Variants in NGLY1 observed in about 807,000 individuals in gnomAD.
NGLY1 encodes peptide-N(4)-(N-acetyl-beta-glucosaminyl)asparagine amidase.
NGLY1 carries 68 observed loss-of-function variants against 84.6 expected under a neutral mutation model. That is an observed-to-expected ratio of 0.80 (90% confidence interval 0.66 to 0.98). The LOEUF (loss-of-function observed/expected upper bound fraction) is 0.98. NGLY1 is among the 50% of genes least tolerant of loss of function. The pLI is 0.00. For synonymous variants in NGLY1, 280 were observed against 275.2 expected, an observed-to-expected ratio of 1.02 and a Z score of -0.17; for missense variants, 779 against 770.2, an observed-to-expected ratio of 1.01 and a Z score of -0.14.
At chr3:25,753,274 A>T (rs1478627337) in intron 3 of NGLY1, among the ~76,000 whole-genome samples, 1 of 152,182 alleles carries the variant, frequency 6.6e-6, no homozygotes, top group Non-Finnish European at 1.5e-5. Flanking sequence ...CTGAGGGGAA[A>T]TGATTAGGAA....
chr3:25,748,458 T>C (rs951246701), intron 4 of NGLY1, among the ~76,000 whole-genome samples: 6 of 152,232 alleles, frequency 3.9e-5, no homozygotes, highest in Non-Finnish European at 7.3e-5. Flanking sequence ...GTTAGATTAA[T>C]TCCTAGCTAG....
At chr3:25,773,044 C>T (rs1707974462) in intron 2 of NGLY1, among the ~76,000 whole-genome samples, 2 of 152,212 alleles carry the variant, frequency 1.3e-5, no homozygotes, top group Non-Finnish European at 1.5e-5. Flanking sequence ...GATGCTTTTG[C>T]CTAAGAGCTT....
At chr3:25,776,218 G>T (rs189381301) in intron 2 of NGLY1, among the ~76,000 whole-genome samples, 3 of 152,246 alleles carry the variant, frequency 2.0e-5, no homozygotes, top group Admixed American at 2.0e-4. Context: ...GAGACCGAGG[G>T]GTTTTCTGGG....
rs1301635490 is a variant in NGLY1 at position 25,733,535 on chromosome 3, TAAATA to T, written c.1260+332_1260+336del. On this transcript the variant is annotated intron_variant, in intron 8 of 11. Transcript: ENST00000280700. ...TGTGTGTATGTACATACATAATACA[TAAATA>T]TGAGTCTGTGTCATATCCAAGGCAC... Among the ~76,000 whole-genome samples the T allele has an allele frequency of 1.2e-4, 18 of 150,062 alleles. No individual in the cohort carries two copies. In the East Asian group the frequency reaches 3.2e-3, roughly 27 times the overall value.
At chr3:25,784,157 G>A (rs938820359), upstream of NGLY1, 1 of 152,188 alleles carries the variant, frequency 6.6e-6, no homozygotes, top group African/African-American at 2.4e-5. Flanking sequence ...AAACTCTGCT[G>A]GGTTTGTTAT....
intron 4 of NGLY1, among the ~76,000 whole-genome samples, chr3:25,740,174 A>G (rs1706059470): frequency 6.6e-6 from 1 of 152,218 alleles, no homozygotes; most frequent in Non-Finnish European, 1.5e-5. Context: ...GGAAACATTG[A>G]ATTTGTTATC....
At chr3:25,778,925 C>CTTTTTTTTTT (rs565447910) in intron 1 of NGLY1, among the ~76,000 whole-genome samples, 9 of 54,662 alleles carry the variant, frequency 1.6e-4, no homozygotes, top group African/African-American at 4.8e-4. Context: ...AAGATACATT[C>CTTTTTTTTTT]TTTTTTTTTT....
intron 9 of NGLY1, among the ~76,000 whole-genome samples, chr3:25,731,037 C>T (rs1193973744): frequency 6.6e-6 from 1 of 152,000 alleles, no homozygotes; most frequent in Non-Finnish European, 1.5e-5. Flanking sequence ...TAGGACCTAC[C>T]TATGGAAATT....
chr3:25,763,941 A>G (rs2125545291), intron 3 of NGLY1, 125 bp downstream of exon 3: 1 of 1,247,156 alleles, frequency 8.0e-7, no homozygotes, highest in East Asian at 2.5e-5. Context: ...GATGTTTTAG[A>G]GTTATAAGAA....
chr3:25,748,005 A>C (rs1280776810), intron 4 of NGLY1, among the ~76,000 whole-genome samples: 1 of 152,158 alleles, frequency 6.6e-6, no homozygotes, highest in East Asian at 1.9e-4. Flanking sequence ...GGGAAGAGTA[A>C]GAATTGTGAG....
At chr3:25,749,521 A>G in intron 4 of NGLY1, 5 of 1,581,748 alleles carry the variant, frequency 3.2e-6, no homozygotes, top group Non-Finnish European at 4.3e-6. Context: ...GAAGCCCAAG[A>G]TCATCAAAAA....
chr3:25,769,971 T>G (rs1460980881), intron 2 of NGLY1, among the ~76,000 whole-genome samples: 1 of 152,178 alleles, frequency 6.6e-6, no homozygotes, highest in African/African-American at 2.4e-5. Flanking sequence ...CAGAGTCCAC[T>G]GTATGATTCT....
At position 25,756,994 on chromosome 3, in the gene NGLY1, G is replaced by A. The variant is rs1707071737; in HGVS notation, c.493-5731C>T. 3.3e-5 allele frequency among the ~76,000 whole-genome samples: 5 copies of A among 152,262 alleles called. No individual in the cohort carries two copies. In the South Asian group the frequency reaches 1.0e-3, roughly 32 times the overall value. On this transcript the variant is annotated intron_variant, in intron 3 of 11. Coordinates refer to ENST00000280700, the MANE Select transcript of NGLY1 (RefSeq NM_018297.4). Reference sequence around the variant, plus strand: ...AACAGACCTGTTTTGTTTTTCTTAAGTTCAACATATATTTGCAGACTTTTG... The same window carrying A: ...AACAGACCTGTTTTGTTTTTCTTAAATTCAACATATATTTGCAGACTTTTG...
intron 4 of NGLY1, among the ~76,000 whole-genome samples, chr3:25,740,463 G>A (rs978939713): frequency 3.3e-5 from 5 of 152,132 alleles, no homozygotes; most frequent in Non-Finnish European, 7.4e-5. Flanking sequence ...GGCAAGAAGG[G>A]AAGGAGAGGG....
intron 10 of NGLY1, among the ~76,000 whole-genome samples, chr3:25,723,549 A>G (rs1705110845): frequency 7.2e-6 from 1 of 139,396 alleles, no homozygotes; most frequent in Non-Finnish European, 1.6e-5. Flanking sequence ...TACCACAACA[A>G]TAGAATTTAT....
At chr3:25,734,192 A>T (rs1181921828) in intron 7 of NGLY1, 17 of 501,262 alleles carry the variant, frequency 3.4e-5, no homozygotes, top group Non-Finnish European at 5.1e-5. Context: ...CAGCCTCCTG[A>T]GTAGCTGGGA....
At chr3:25,761,938 G>C (rs1707339343) in intron 3 of NGLY1, among the ~76,000 whole-genome samples, 2 of 152,070 alleles carry the variant, frequency 1.3e-5, no homozygotes, top group Admixed American at 1.3e-4. Context: ...TACACAAAGA[G>C]CTAGAAACAA....
At chr3:25,777,651 G>C (rs1007288652) in intron 2 of NGLY1, 2 of 152,288 alleles carry the variant, frequency 1.3e-5, no homozygotes, top group African/African-American at 4.8e-5. Context: ...TCCTCAGAGA[G>C]GACTTCCCTG....
chr3:25,744,069 C>A (rs185567766), intron 4 of NGLY1, among the ~76,000 whole-genome samples: 1 of 152,108 alleles, frequency 6.6e-6, no homozygotes, highest in Non-Finnish European at 1.5e-5. Context: ...ACCATATAAA[C>A]GTAGATTTCT....
Sources: allele counts gnomAD v4.1 joint callset (sites outside exome capture counted in the v4.1 genomes callset), GRCh38; gene constraint gnomAD v4.1.1; transcripts MANE v1.5; gene names NCBI Gene and HGNC (gene_info 2026-07-23, HGNC 2026-07-21).